The following TCF12 variants were observed in gnomAD, a reference collection of about 807,000 sequenced individuals.
The protein encoded by TCF12 is transcription factor 12, also known as DNA-binding protein HTF4.
TCF12 carries 45 observed loss-of-function variants against 86.0 expected under a neutral mutation model. The ratio of observed to expected loss-of-function variants is 0.52; its 90% CI spans 0.41 to 0.67. The LOEUF (loss-of-function observed/expected upper bound fraction) is 0.67. TCF12 is among the 30% of genes least tolerant of loss of function. The pLI is 0.00. For missense variants in TCF12, 881 were observed against 859.9 expected, an observed-to-expected ratio of 1.02 and a Z score of -0.31; for synonymous variants, 330 against 299.6, an observed-to-expected ratio of 1.10 and a Z score of -1.05.
At chr15:57,172,709 G>A (rs551560663) in intron 6 of TCF12, among the ~76,000 whole-genome samples, 63 of 152,076 alleles carry the variant, frequency 4.1e-4, no homozygotes, top group Non-Finnish European at 7.6e-4. Context: ...ATGAAATAAC[G>A]TGTACAAACC....
At chr15:57,232,503 T>C in intron 10 of TCF12, 73 bp downstream of exon 10, 5 of 1,521,188 alleles carry the variant, frequency 3.3e-6, no homozygotes, top group Non-Finnish European at 4.4e-6. Flanking sequence ...ATTAGAAGTG[T>C]AAAATCTAAG....
chr15:57,209,513 G>C (rs1279499118), intron 8 of TCF12, among the ~76,000 whole-genome samples: 1 of 152,238 alleles, frequency 6.6e-6, no homozygotes. Flanking sequence ...ATTTGAAACA[G>C]AGGACAGTCT....
At chr15:57,119,982 T>G (rs2051114189) in intron 5 of TCF12, among the ~76,000 whole-genome samples, 1 of 152,242 alleles carries the variant, frequency 6.6e-6, no homozygotes, top group Non-Finnish European at 1.5e-5. Flanking sequence ...GTCCTACTAC[T>G]ATTTACCTGC....
At chr15:57,009,901 CTG>C (rs1369763134) in intron 3 of TCF12, among the ~76,000 whole-genome samples, 1 of 152,168 alleles carries the variant, frequency 6.6e-6, no homozygotes, top group Non-Finnish European at 1.5e-5. Context: ...GTAAAACTAA[CTG>C]TTTTATGGAT....
chr15:57,003,097 T>C (rs1198719511), intron 3 of TCF12, among the ~76,000 whole-genome samples: 1 of 152,228 alleles, frequency 6.6e-6, no homozygotes, highest in Non-Finnish European at 1.5e-5. Context: ...CATTTATTCA[T>C]TTCTGAAAAC....
intron 5 of TCF12, among the ~76,000 whole-genome samples, chr15:57,144,409 A>T (rs1191088407): frequency 6.6e-6 from 1 of 152,246 alleles, no homozygotes; most frequent in Non-Finnish European, 1.5e-5. Flanking sequence ...CTTACTTGAA[A>T]ATAATTTGAT....
At chr15:56,986,506 T>A (rs2063185171) in intron 3 of TCF12, among the ~76,000 whole-genome samples, 1 of 152,176 alleles carries the variant, frequency 6.6e-6, no homozygotes, top group Non-Finnish European at 1.5e-5. Context: ...GTAAAAATCT[T>A]TTAAGTCAAA....
At chr15:57,211,644 C>T (rs1290878093) in intron 8 of TCF12, among the ~76,000 whole-genome samples, 2 of 152,110 alleles carry the variant, frequency 1.3e-5, no homozygotes, top group African/African-American at 4.8e-5. Context: ...ATGCCTCTTG[C>T]AGGTATGATT....
At chr15:57,060,436 AT>A (rs1203630868) in intron 3 of TCF12, among the ~76,000 whole-genome samples, 2 of 152,244 alleles carry the variant, frequency 1.3e-5, no homozygotes, top group East Asian at 3.8e-4. Flanking sequence ...AAGGAAAAAA[AT>A]AATTTACGTC....
intron 1 of TCF12, 55 bp from the exon 2 acceptor site, chr15:56,919,837 C>G: frequency 1.3e-6 from 2 of 1,520,158 alleles, no homozygotes; most frequent in Non-Finnish European, 1.8e-6. Flanking sequence ...TCTCTGTTCC[C>G]TCACACACTT....
intron 4 of TCF12, among the ~76,000 whole-genome samples, chr15:57,068,985 T>G (rs542672349): frequency 6.6e-6 from 1 of 152,348 alleles, no homozygotes; most frequent in Admixed American, 6.5e-5. Flanking sequence ...GTTATATTTC[T>G]TGATGTACAA....
intron 5 of TCF12, among the ~76,000 whole-genome samples, chr15:57,154,062 T>G (rs2053952444): frequency 6.6e-6 from 1 of 150,452 alleles, no homozygotes; most frequent in Non-Finnish European, 1.5e-5. Flanking sequence ...ACAAATGAGA[T>G]AAATAGTAGA....
intron 5 of TCF12, among the ~76,000 whole-genome samples, chr15:57,106,355 A>G (rs1322625771): frequency 6.6e-6 from 1 of 152,240 alleles, no homozygotes; most frequent in Non-Finnish European, 1.5e-5. Flanking sequence ...GATGAAAAGT[A>G]CATGGGAATT....
intron 5 of TCF12, among the ~76,000 whole-genome samples, chr15:57,162,343 A>G (rs556234764): frequency 1.3e-5 from 2 of 152,346 alleles, no homozygotes. Flanking sequence ...ATTTTAATTC[A>G]TGAAAATAGT....
chr15:56,918,391 A>C, upstream of TCF12: 1 of 369,844 alleles, frequency 2.7e-6, no homozygotes, highest in Non-Finnish European at 5.5e-6. Flanking sequence ...GGCCCGGACG[A>C]GGCTTCGTCG....
chr15:57,088,641 C>T (rs2048799160), intron 4 of TCF12, among the ~76,000 whole-genome samples: 1 of 151,802 alleles, frequency 6.6e-6, no homozygotes, highest in Non-Finnish European at 1.5e-5. Flanking sequence ...TGAAAAAGAT[C>T]TTTATTCCAA....
intron 3 of TCF12, among the ~76,000 whole-genome samples, chr15:56,972,234 G>A (rs903320227): frequency 2.0e-5 from 3 of 152,088 alleles, no homozygotes; most frequent in East Asian, 1.9e-4. Flanking sequence ...AAGGAACTTC[G>A]GCAGCATCTA....
chr15:57,239,814 A>G (rs1377427170), intron 12 of TCF12, among the ~76,000 whole-genome samples: 5 of 152,038 alleles, frequency 3.3e-5, no homozygotes, highest in African/African-American at 7.2e-5. Context: ...TAGAGATGGG[A>G]AGGATGGGAA....
intron 13 of TCF12, among the ~76,000 whole-genome samples, chr15:57,248,330 G>T (rs1566981483): frequency 1.3e-5 from 2 of 152,100 alleles, no homozygotes; most frequent in African/African-American, 4.8e-5. Context: ...CACACCCCTT[G>T]TGAACAAAAT....
Sources: gnomAD v4.1 joint callset for allele counts (sites outside exome capture counted in the v4.1 genomes callset) on GRCh38, gnomAD v4.1.1 for gene constraint, MANE v1.5 for transcripts, NCBI Gene and HGNC (gene_info 2026-07-23, HGNC 2026-07-21) for gene names.